KMT2C: variants seen among roughly 807,000 people sequenced by gnomAD.
The protein encoded by KMT2C is lysine methyltransferase 2C.
A neutral mutation model predicts 507.9 loss-of-function variants in KMT2C; 88 were observed. The ratio of observed to expected loss-of-function variants is 0.17; its 90% CI spans 0.15 to 0.21. The LOEUF (loss-of-function observed/expected upper bound fraction) is 0.21. Ranked by LOEUF, KMT2C falls within the 10% of genes least tolerant of loss-of-function variation. The pLI, the probability that KMT2C is intolerant of heterozygous loss-of-function variation, is 1.00. For synonymous variants in KMT2C, 2,049 were observed against 2,080.8 expected, an observed-to-expected ratio of 0.98 and a Z score of 0.42; for missense variants, 4,954 against 5,957.8, an observed-to-expected ratio of 0.83 and a Z score of 5.55.
At chr7:152,330,220 T>TTCC (rs1407932097) in intron 3 of KMT2C, among the ~76,000 whole-genome samples, 1 of 151,960 alleles carries the variant, frequency 6.6e-6, no homozygotes, top group East Asian at 1.9e-4. Flanking sequence ...TGTCCTGTGT[T>TTCC]TCCTTTTTTA....
At chr7:152,239,458 G>A (rs970505502) in intron 14 of KMT2C, among the ~76,000 whole-genome samples, 1 of 152,158 alleles carries the variant, frequency 6.6e-6, no homozygotes, top group Non-Finnish European at 1.5e-5. Flanking sequence ...TTTACTTAGG[G>A]AAATGAATAC....
chr7:152,344,306 A>C (rs977446380), intron 2 of KMT2C, among the ~76,000 whole-genome samples: 1 of 152,314 alleles, frequency 6.6e-6, no homozygotes, highest in Non-Finnish European at 1.5e-5. Flanking sequence ...TTTTTCAATC[A>C]TACTAAGATG....
At chr7:152,290,819 C>T (rs370491068) in intron 6 of KMT2C, among the ~76,000 whole-genome samples, 1 of 151,998 alleles carries the variant, frequency 6.6e-6, no homozygotes, top group Non-Finnish European at 1.5e-5. Flanking sequence ...GTTGAATGCT[C>T]CAATATTTTC....
At chr7:152,418,783 T>C (rs1233124749) in intron 1 of KMT2C, among the ~76,000 whole-genome samples, 1 of 151,088 alleles carries the variant, frequency 6.6e-6, no homozygotes, top group Non-Finnish European at 1.5e-5. Flanking sequence ...TATAAAAGAT[T>C]AACAATACGG....
chr7:152,207,664 G>C (rs1406029806), intron 23 of KMT2C, among the ~76,000 whole-genome samples: 1 of 152,082 alleles, frequency 6.6e-6, no homozygotes, highest in Non-Finnish European at 1.5e-5. Flanking sequence ...ACAGAACTCA[G>C]AGTTCTGTTA....
chr7:152,409,323 G>C (rs1352534879), intron 1 of KMT2C, among the ~76,000 whole-genome samples: 3 of 151,856 alleles, frequency 2.0e-5, no homozygotes, highest in African/African-American at 4.8e-5. Context: ...CAAGTTCTTT[G>C]AAAACATATT....
chr7:152,325,219 T>C (rs1215040644), intron 3 of KMT2C, among the ~76,000 whole-genome samples: 7 of 150,410 alleles, frequency 4.7e-5, no homozygotes, highest in Non-Finnish European at 1.0e-4. Context: ...TGGTGCGATC[T>C]TGGCTCACTG....
At chr7:152,296,477 G>A (rs2096497723) in intron 6 of KMT2C, among the ~76,000 whole-genome samples, 1 of 151,184 alleles carries the variant, frequency 6.6e-6, no homozygotes, top group African/African-American at 2.4e-5. Flanking sequence ...AATATGCTAG[G>A]ATGGGACAAG....
intron 23 of KMT2C, among the ~76,000 whole-genome samples, chr7:152,217,742 A>G (rs1221169190): frequency 6.8e-6 from 1 of 148,128 alleles, no homozygotes; most frequent in Middle Eastern, 3.4e-3. Flanking sequence ...AAATTGAAAC[A>G]TATCACCATT....
At position 152,249,325 on chromosome 7, in the gene KMT2C, T is replaced by G. The variant is rs1313362654; in HGVS notation, c.1813+551A>C. Among the ~76,000 whole-genome samples the G allele has an allele frequency of 6.8e-5, 10 of 147,886 alleles. No homozygotes were observed. In the East Asian group the frequency reaches 1.4e-3, roughly 21 times the overall value. On this transcript the variant is annotated intron_variant, in intron 13 of 58. Transcript: ENST00000262189. ...CAGTGACTAAAATTTATCTGGTTTT[T>G]TTTTTTTTTTTTTTTTGAAACAGGG...
intron 33 of KMT2C, among the ~76,000 whole-genome samples, chr7:152,186,489 AT>A (rs1393131266): frequency 1.3e-5 from 2 of 152,228 alleles, no homozygotes; most frequent in Admixed American, 6.5e-5. Context: ...GATAAAAAGC[AT>A]TTCATTTATT....
Position 152,181,004 on chromosome 7 carries a change from T to G in KMT2C, c.6856A>C (p.Thr2286Pro), listed in dbSNP as rs989972279. The G allele has an allele frequency of 1.2e-6, 2 of 1,614,056 alleles. No individual in the cohort carries two copies. The highest frequency in any genetic ancestry group is 1.7e-6 in the Non-Finnish European group (2 of 1,180,034). Reference protein sequence around the residue: ...PRPPGPGLSDTFSRVSPSAAR... With the variant: ...PRPPGPGLSDPFSRVSPSAAR... The stretch of plus-strand genomic sequence containing the variant: ...GCAGATGGGGAAACACGGCTAAATG[T>G]GTCTGAAAGACCAGGTCCAGGGGGC... Residue 2286 changes from threonine (T) to proline (P), a missense_variant, in exon 36 of 59, where the codon ACA becomes CCA. Physicochemically the swap from Thr to Pro is conservative, Grantham distance 38. Transcript: ENST00000262189.
rs571101583 is a variant in KMT2C, at chr7:152,197,371, C to T, written c.4274-1360G>A. On this transcript the variant is annotated intron_variant, in intron 27 of 58. Coordinates refer to ENST00000262189, the MANE Select transcript of KMT2C (RefSeq NM_170606.3). ...AGAAACTGAAATTTTTAATCCATCT[C>T]AAGCTTATTTTTACTTAAAAGGGGG... 1.5e-3 allele frequency among the ~76,000 whole-genome samples: 226 copies of T among 152,228 alleles called. 9 individuals are homozygous for T. In the South Asian group the frequency reaches 0.046, roughly 31 times the overall value.
chr7:152,245,246 T>C (rs1237174238), intron 14 of KMT2C, among the ~76,000 whole-genome samples: 4 of 152,250 alleles, frequency 2.6e-5, no homozygotes, highest in South Asian at 2.1e-4. Flanking sequence ...TCTTGAATTC[T>C]TTTGGTATTT....
chr7:152,351,955 C>A (rs918992039), intron 2 of KMT2C, among the ~76,000 whole-genome samples: 1 of 152,158 alleles, frequency 6.6e-6, no homozygotes, highest in African/African-American at 2.4e-5. Context: ...GAAAAAAGAA[C>A]AGGATAACAG....
intron 39 of KMT2C, among the ~76,000 whole-genome samples, chr7:152,173,020 AG>A (rs1182342766): frequency 6.6e-6 from 1 of 152,214 alleles, no homozygotes; most frequent in African/African-American, 2.4e-5. Context: ...AGAATTTCAA[AG>A]GCTTCACTGG....
chr7:152,205,262 T>C, intron 24 of KMT2C, 37 bp from the exon 25 acceptor site: 3 of 1,589,654 alleles, frequency 1.9e-6, no homozygotes, highest in South Asian at 2.2e-5. Context: ...TGATAAGTAA[T>C]TTCTCCCTAC....
At position 152,177,268 on chromosome 7, in the gene KMT2C, C is replaced by T. The variant is rs2129114520; in HGVS notation, c.8185G>A (p.Val2729Ile). Residue 2729 changes from valine (V) to isoleucine (I), a missense_variant, in exon 38 of 59, where the codon GTA (valine) becomes ATA (isoleucine). By Grantham distance (29) the Val-to-Ile change is conservative (BLOSUM62 3). Coordinates refer to ENST00000262189, the MANE Select transcript of KMT2C (RefSeq NM_170606.3). ...TTATCTAAAGTATCCAATTCAACTA[C>T]CTTGCCATCCTCTGTATCTAAATTT... ...NLNLDTEDGK[V>I]VELDTLDNLE... The T allele has an allele frequency of 6.2e-7, 1 of 1,613,874 alleles. No homozygotes were observed. Among genetic ancestry groups the T allele is most frequent in the Non-Finnish European group, 8.5e-7 (1 of 1,180,002 alleles).
At position 152,138,280 on chromosome 7, in the gene KMT2C, C is replaced by A. The variant is rs2090113780; in HGVS notation, c.14643+516G>T. 6.5e-6 allele frequency: 1 copy of A among 153,160 alleles called. No individual in the cohort carries two copies. Among genetic ancestry groups the A allele is most frequent in the South Asian group, 2.1e-4 (1 of 4,862 alleles). 9.5% of individuals were successfully genotyped at this position (153,160 alleles called of 1,614,324 possible). On this transcript the variant is annotated intron_variant, in intron 58 of 58. Transcript: ENST00000262189. This position sits in a 1 kb window ranked among gnomAD's most constrained non-coding sequence, Gnocchi z 4.2. Reference sequence around the variant, plus strand: ...GCACTCGGCATTTTGAAGACAACAACCCACACCTGAACTGCTGAAGAATGT... The same window carrying A: ...GCACTCGGCATTTTGAAGACAACAAACCACACCTGAACTGCTGAAGAATGT...
Sources: allele counts gnomAD v4.1 joint callset (sites outside exome capture counted in the v4.1 genomes callset), GRCh38; gene constraint gnomAD v4.1.1; non-coding constraint Gnocchi (gnomAD v3.1); transcripts MANE v1.5; gene names NCBI Gene and HGNC (gene_info 2026-07-23, HGNC 2026-07-21).